IP6K1: variants seen among roughly 807,000 people sequenced by gnomAD.
IP6K1 encodes ATP:1D-myo-inositol-hexakisphosphate phosphotransferase.
In IP6K1, 13 loss-of-function variants were observed where a neutral mutation model predicts 38.3. That is an observed-to-expected ratio of 0.34 (90% CI 0.22 to 0.54). The LOEUF is 0.54. Among genes scored for constraint, IP6K1 ranks in the 20% least tolerant of loss-of-function variants. IP6K1 has a pLI of 0.92. For synonymous variants in IP6K1, 212 were observed against 229.9 expected, an observed-to-expected ratio of 0.92 and a Z score of 0.70; for missense variants, 397 against 599.8, an observed-to-expected ratio of 0.66 and a Z score of 3.53.
At chr3:49,739,648 C>T (rs1220053301) in intron 2 of IP6K1, among the ~76,000 whole-genome samples, 3 of 151,990 alleles carry the variant, frequency 2.0e-5, no homozygotes, top group Admixed American at 6.6e-5. Flanking sequence ...CCACCAGGCC[C>T]GGCCTAAAGT....
chr3:49,775,144 A>G (rs1291929935), intron 1 of IP6K1: 1 of 154,194 alleles, frequency 6.5e-6, no homozygotes, highest in Non-Finnish European at 1.4e-5. Context: ...GTTTAAAAAC[A>G]CCAGGCAGCA....
intron 1 of IP6K1, among the ~76,000 whole-genome samples, chr3:49,766,520 T>C (rs550650226): frequency 6.0e-5 from 9 of 150,768 alleles, no homozygotes; most frequent in Middle Eastern, 3.6e-3. Flanking sequence ...AAACATCAGT[T>C]GGGTGTGGTG....
At chr3:49,768,195 T>C (rs1348622697) in intron 1 of IP6K1, among the ~76,000 whole-genome samples, 1 of 152,198 alleles carries the variant, frequency 6.6e-6, no homozygotes, top group Non-Finnish European at 1.5e-5. Flanking sequence ...TTTAGGTCTA[T>C]ACCCAAAAGA....
rs915624899 is a variant in IP6K1 at position 49,733,104 on chromosome 3, A to G, written c.435-132T>C. 9.0e-6 allele frequency: 5 copies of G among 554,798 alleles called. No homozygotes were observed. The South Asian group carries it at 1.1e-4, about 13-fold the overall frequency. The allele number at this position is 554,798 out of a possible 1,614,324, so 34.4% of individuals were successfully genotyped here. On this transcript the variant is annotated intron_variant, in intron 3 of 5. Transcript: ENST00000321599. ...TGCTAATGGGTTGCATTAAGGTCCCATGAGCCAATAAAAATGAGTAAATGT... is the reference window on the plus strand; with the variant it reads ...TGCTAATGGGTTGCATTAAGGTCCCGTGAGCCAATAAAAATGAGTAAATGT...
chr3:49,727,138 C>A lies in IP6K1; in HGVS notation c.1310G>T (p.Arg437Leu). 1.2e-6 allele frequency: 2 copies of A among 1,607,468 alleles called. No homozygotes were observed. Among genetic ancestry groups the A allele is most frequent in the Non-Finnish European group, 1.7e-6 (2 of 1,175,372 alleles). The change falls in exon 6 of 6, where the codon CGG becomes CTG. Residue 437 changes from arginine to leucine, a missense_variant. Arg to Leu is a moderately radical substitution (Grantham distance 102, BLOSUM62 -2). This residue lies in a region of IP6K1 where 164 missense variants were observed against 213.5 expected (regional missense o/e 0.77). Transcript: ENST00000321599. The surrounding 1 kb of genome is among the most constrained non-coding windows in gnomAD (Gnocchi z 5.9). ...GAACAGGGCCTACTGGTTCTCGTCC[C>A]GCATCTGTTCCATGATGCTGATGAG... ...ENLISIMEQM[R>L]DENQ
At chr3:49,756,853 G>GA (rs769839625) in intron 1 of IP6K1, among the ~76,000 whole-genome samples, 6 of 145,034 alleles carry the variant, frequency 4.1e-5, no homozygotes, top group Non-Finnish European at 9.1e-5. Flanking sequence ...AAAAAAGAAA[G>GA]AAAGGAGAAA....
intron 1 of IP6K1, among the ~76,000 whole-genome samples, chr3:49,781,691 C>T (rs1335733713): frequency 6.6e-6 from 1 of 152,124 alleles, no homozygotes; most frequent in South Asian, 2.1e-4. Context: ...TGGACTATAT[C>T]ACCTTAAATG....
rs117326328 is a variant in IP6K1 at position 49,727,576 on chromosome 3, T to C, written c.872A>G (p.Asn291Ser). Residue 291 changes from asparagine to serine, a missense_variant, in exon 6 of 6, where the codon AAT (asparagine) becomes AGT (serine). Around this residue, in one of 3 missense-constraint regions of IP6K1, gnomAD observed 164 missense variants for 213.5 expected, o/e 0.77. Coordinates refer to ENST00000321599, the MANE Select transcript of IP6K1 (RefSeq NM_153273.4). The surrounding 1 kb of genome is among the most constrained non-coding windows in gnomAD (Gnocchi z 5.9). Reference sequence around the variant, plus strand: ...ATTGTGCAGATATTGATAGAGGGCATTGCGGAAGCCTTCAATGGAGAGCCC... The same window carrying C: ...ATTGTGCAGATATTGATAGAGGGCACTGCGGAAGCCTTCAATGGAGAGCCC... ...GRGLSIEGFRNALYQYLHNGL... is the reference protein window; with the variant it reads ...GRGLSIEGFRSALYQYLHNGL... The C allele has an allele frequency of 4.4e-5, 71 of 1,614,180 alleles. No homozygotes were observed. Among genetic ancestry groups the C allele is most frequent in the Non-Finnish European group, 4.6e-5 (54 of 1,180,028 alleles).
intron 1 of IP6K1, among the ~76,000 whole-genome samples, chr3:49,781,590 T>C (rs2081066168): frequency 6.6e-6 from 1 of 152,208 alleles, no homozygotes; most frequent in Non-Finnish European, 1.5e-5. Flanking sequence ...TGAGAGGATT[T>C]GTGCAGAGAA....
At position 49,786,388 on chromosome 3, in the gene IP6K1, C is replaced by T. The variant is rs964538399; in HGVS notation, c.-163G>A. On this transcript the variant is annotated 5_prime_UTR_variant, in exon 1 of 6. Coordinates refer to ENST00000321599, the MANE Select transcript of IP6K1 (RefSeq NM_153273.4). ...CCGGGCACCGAGCGCCCACGGCTCCCTACGGGAGCTGGGCCCCCCGGGCCT... is the reference window on the plus strand; with the variant it reads ...CCGGGCACCGAGCGCCCACGGCTCCTTACGGGAGCTGGGCCCCCCGGGCCT... 3 of 152,244 alleles carry T rather than the reference C, an allele frequency of 2.0e-5. No homozygotes were observed. The highest frequency in any genetic ancestry group is 7.2e-5 in the African/African-American group (3 of 41,454). 9.4% of individuals were successfully genotyped at this position (152,244 alleles called of 1,614,324 possible).
chr3:49,737,521 A>G (rs2080623324), intron 3 of IP6K1, among the ~76,000 whole-genome samples: 1 of 152,118 alleles, frequency 6.6e-6, no homozygotes, highest in African/African-American at 2.4e-5. Flanking sequence ...CAACATCTCC[A>G]CTAAAAATAC....
At chr3:49,753,518 T>TATG (rs900848627) in intron 1 of IP6K1, among the ~76,000 whole-genome samples, 11 of 152,180 alleles carry the variant, frequency 7.2e-5, no homozygotes, top group African/African-American at 2.7e-4. Context: ...GTTTATTATT[T>TATG]ATGATGATGA....
At chr3:49,763,039 C>T (rs1399694187) in intron 1 of IP6K1, among the ~76,000 whole-genome samples, 1 of 152,014 alleles carries the variant, frequency 6.6e-6, no homozygotes, top group Non-Finnish European at 1.5e-5. Context: ...ATCCACCTGC[C>T]TCAGCCTCTC....
At chr3:49,777,839 C>T (rs1195900652) in intron 1 of IP6K1, among the ~76,000 whole-genome samples, 1 of 150,874 alleles carries the variant, frequency 6.6e-6, no homozygotes, top group African/African-American at 2.4e-5. Flanking sequence ...GGCGTGAACC[C>T]GGGAGGCGGA....
At chr3:49,744,401 CAAAAAAAAAAAAA>C (rs56916226) in intron 2 of IP6K1, among the ~76,000 whole-genome samples, 4 of 76,178 alleles carry the variant, frequency 5.3e-5, no homozygotes, top group African/African-American at 1.1e-4. Context: ...GACTCCGTCT[CAAAAAAAAAAAAA>C]AAAAAAAAAA....
At chr3:49,783,522 C>G (rs1355509080) in intron 1 of IP6K1, among the ~76,000 whole-genome samples, 1 of 151,914 alleles carries the variant, frequency 6.6e-6, no homozygotes, top group Non-Finnish European at 1.5e-5. Flanking sequence ...ACCATCCTGG[C>G]TAACACGGTG....
At chr3:49,781,542 G>A (rs1221055251) in intron 1 of IP6K1, among the ~76,000 whole-genome samples, 2 of 152,192 alleles carry the variant, frequency 1.3e-5, no homozygotes, top group African/African-American at 2.4e-5. Flanking sequence ...TGAAGCAAAA[G>A]GTCATCTCCA....
At chr3:49,772,371 G>A (rs1025836252) in intron 1 of IP6K1, among the ~76,000 whole-genome samples, 6 of 147,476 alleles carry the variant, frequency 4.1e-5, no homozygotes, top group African/African-American at 1.5e-4. Context: ...TATATAGAAG[G>A]CTATATATAC....
intron 1 of IP6K1, chr3:49,786,008 G>A (rs900119574): frequency 6.6e-6 from 1 of 152,294 alleles, no homozygotes; most frequent in Non-Finnish European, 1.5e-5. Flanking sequence ...CTATTTCTCA[G>A]CCAGGAGCAA....
Sources: allele counts gnomAD v4.1 joint callset (sites outside exome capture counted in the v4.1 genomes callset), GRCh38; gene constraint gnomAD v4.1.1; regional missense constraint gnomAD v4.1.1; non-coding constraint Gnocchi (gnomAD v3.1); transcripts MANE v1.5; gene names NCBI Gene and HGNC (gene_info 2026-07-23, HGNC 2026-07-21).